Variants in PTPN13 observed in about 807,000 individuals in gnomAD.
PTPN13 encodes the protein protein tyrosine phosphatase non-receptor type 13.
Under a neutral mutation model 284.0 loss-of-function variants are expected in PTPN13, and 191 were observed. That is an observed-to-expected ratio of 0.67 (90% CI 0.60 to 0.76). The LOEUF (loss-of-function observed/expected upper bound fraction) is 0.76. PTPN13 is among the 30% of genes least tolerant of loss of function. PTPN13 has a pLI of 0.00. For missense variants in PTPN13, 2,797 were observed against 2,939.9 expected (o/e 0.95, Z 1.12); for synonymous variants, 986 against 1,022.3 (o/e 0.96, Z 0.68).
intron 7 of PTPN13, among the ~76,000 whole-genome samples, chr4:86,709,493 G>A (rs1732139128): frequency 6.6e-6 from 1 of 152,126 alleles, no homozygotes; most frequent in African/African-American, 2.4e-5. Flanking sequence ...ATATGCAGTG[G>A]TGCTATTTCA....
intron 9 of PTPN13, among the ~76,000 whole-genome samples, chr4:86,718,094 C>T (rs560902701): frequency 2.0e-5 from 3 of 152,004 alleles, no homozygotes; most frequent in African/African-American, 4.8e-5. Flanking sequence ...GTGTCTTTGT[C>T]GTGTATGCCC....
chr4:86,751,547 T>G (rs888916255), intron 19 of PTPN13, among the ~76,000 whole-genome samples: 1 of 152,132 alleles, frequency 6.6e-6, no homozygotes, highest in Non-Finnish European at 1.5e-5. Flanking sequence ...CTTGAACTCC[T>G]GGACTCAAGG....
chr4:86,801,879 ATATGTTT>A (rs1744075659), intron 42 of PTPN13, among the ~76,000 whole-genome samples: 1 of 152,200 alleles, frequency 6.6e-6, no homozygotes, highest in Non-Finnish European at 1.5e-5. Flanking sequence ...AAAAGAATTT[ATATGTTT>A]TACTTATGGT....
intron 5 of PTPN13, 135 bp downstream of exon 5, chr4:86,689,325 T>G (rs973400166): frequency 7.2e-6 from 5 of 694,216 alleles, no homozygotes; most frequent in African/African-American, 1.8e-5. Flanking sequence ...TTTCTTCTTC[T>G]AATATAAATT....
intron 2 of PTPN13, among the ~76,000 whole-genome samples, chr4:86,668,634 C>T (rs763989568): frequency 6.6e-6 from 1 of 151,858 alleles, no homozygotes; most frequent in Non-Finnish European, 1.5e-5. Context: ...CTCACTCTGT[C>T]ACCCAGGCTG....
intron 1 of PTPN13, among the ~76,000 whole-genome samples, chr4:86,619,886 G>A (rs1721022327): frequency 2.0e-5 from 3 of 151,784 alleles, no homozygotes; most frequent in Admixed American, 2.0e-4. Context: ...CATGTCCCAA[G>A]CTTGGAGTGT....
intron 27 of PTPN13, among the ~76,000 whole-genome samples, chr4:86,767,155 C>T (rs1305798674): frequency 1.3e-5 from 2 of 151,792 alleles, no homozygotes; most frequent in African/African-American, 2.4e-5. Flanking sequence ...TGGTCTCGAA[C>T]TCCTAGACAA....
chr4:86,745,853 T>A (rs1736696949), intron 17 of PTPN13, among the ~76,000 whole-genome samples: 1 of 151,970 alleles, frequency 6.6e-6, no homozygotes, highest in Non-Finnish European at 1.5e-5. Context: ...AAGAGGGAAA[T>A]CAGAGACTAG....
chr4:86,708,750 G>T (rs1732042515), intron 7 of PTPN13, among the ~76,000 whole-genome samples: 1 of 151,988 alleles, frequency 6.6e-6, no homozygotes, highest in South Asian at 2.1e-4. Context: ...TCTCTGCCGT[G>T]CAAGTTTGAA....
intron 3 of PTPN13, among the ~76,000 whole-genome samples, chr4:86,680,788 A>C (rs947715187): frequency 3.9e-5 from 6 of 152,196 alleles, no homozygotes; most frequent in African/African-American, 1.4e-4. Context: ...GGCTGTAGCC[A>C]GTGATTATTA....
chr4:86,651,781 A>G (rs564241488), intron 2 of PTPN13, among the ~76,000 whole-genome samples: 2 of 152,226 alleles, frequency 1.3e-5, no homozygotes, highest in Admixed American at 1.3e-4. Flanking sequence ...GTTTCTCCTA[A>G]TAGTCTCTAA....
chr4:86,627,720 G>A (rs1246228066), intron 1 of PTPN13, among the ~76,000 whole-genome samples: 3 of 151,888 alleles, frequency 2.0e-5, no homozygotes, highest in Non-Finnish European at 2.9e-5. Context: ...CTCTCCATAG[G>A]GCAATACCAT....
chr4:86,746,931 ACTG>A (rs1295822110), intron 17 of PTPN13, among the ~76,000 whole-genome samples: 1 of 152,228 alleles, frequency 6.6e-6, no homozygotes, highest in East Asian at 1.9e-4. Flanking sequence ...TACAATAACC[ACTG>A]CTATAATATC....
In PTPN13 at chr4:86,758,588, A is replaced by C. The variant is rs1387340329; in HGVS notation, c.3314-90A>C. On this transcript the variant is annotated intron_variant, in intron 21 of 47. Transcript: ENST00000411767. ...TACCTACTAATCATTTGATATCAAT[A>C]GTCCCCACATTTCTGTGTTTCAGGC... The C allele has an allele frequency of 3.5e-6, 4 of 1,129,078 alleles. No homozygotes were observed. In the East Asian group the frequency reaches 9.4e-5, roughly 26 times the overall value. The allele number at this position is 1,129,078 out of a possible 1,614,324, so 69.9% of individuals were successfully genotyped here.
At chr4:86,654,178 G>GAAC (rs1221989043) in intron 2 of PTPN13, among the ~76,000 whole-genome samples, 1 of 152,140 alleles carries the variant, frequency 6.6e-6, no homozygotes, top group East Asian at 1.9e-4. Context: ...GACCAGAGCA[G>GAAC]AACTGAAGGA....
At chr4:86,732,302 T>C in intron 10 of PTPN13, 98 bp from the exon 11 acceptor site, 2 of 1,017,892 alleles carry the variant, frequency 2.0e-6, no homozygotes, top group Admixed American at 5.5e-5. Context: ...GATTTTGTAG[T>C]TTCATATGTA....
At chr4:86,704,139 G>A (rs578003229) in intron 7 of PTPN13, among the ~76,000 whole-genome samples, 5 of 152,234 alleles carry the variant, frequency 3.3e-5, no homozygotes, top group East Asian at 1.9e-4. Flanking sequence ...AACCGAGATC[G>A]CGCCATTGCA....
At chr4:86,650,548 C>G (rs971406862) in intron 2 of PTPN13, among the ~76,000 whole-genome samples, 22 of 152,164 alleles carry the variant, frequency 1.4e-4, no homozygotes, top group African/African-American at 5.1e-4. Context: ...GACTATCCAC[C>G]TGCCTCAGTC....
intron 2 of PTPN13, among the ~76,000 whole-genome samples, chr4:86,638,123 A>G (rs539913788): frequency 0.047 from 7,092 of 152,158 alleles, 222 homozygotes; most frequent in African/African-American, 0.062. Flanking sequence ...ACTTACAAGG[A>G]ACGTGAAGGA....
Sources: gnomAD v4.1 joint callset for allele counts (sites outside exome capture counted in the v4.1 genomes callset) on GRCh38, gnomAD v4.1.1 for gene constraint, MANE v1.5 for transcripts, NCBI Gene and HGNC (gene_info 2026-07-23, HGNC 2026-07-21) for gene names.